The following UMOD variants were observed in gnomAD, a reference collection of about 807,000 sequenced individuals.
UMOD encodes Tamm-Horsfall urinary glycoprotein.
UMOD carries 64 observed loss-of-function variants against 66.0 expected under a neutral mutation model. The observed-to-expected ratio is 0.97, with a 90% CI of 0.79 to 1.19. UMOD has a LOEUF of 1.19. Among genes scored for constraint, UMOD ranks in the 50% most tolerant of loss-of-function variants. UMOD has a pLI of 0.00. For missense variants in UMOD, 764 were observed against 850.9 expected (o/e 0.90, Z 1.27); for synonymous variants, 398 against 352.7 (o/e 1.13, Z -1.44).
chr16:20,335,708 C>G (rs575142078), intron 9 of UMOD, among the ~76,000 whole-genome samples, 188 bp from the exon 10 acceptor site: 3 of 152,276 alleles, frequency 2.0e-5, no homozygotes, highest in African/African-American at 7.2e-5. Context: ...GAGAAAGGTC[C>G]CAACCCTTAG....
intron 7 of UMOD, among the ~76,000 whole-genome samples, chr16:20,339,727 T>C (rs892264513): frequency 6.6e-6 from 1 of 152,242 alleles, no homozygotes; most frequent in Non-Finnish European, 1.5e-5. Context: ...CTCTTTGTCA[T>C]TAACATACTA....
intron 2 of UMOD, 108 bp downstream of exon 2, chr16:20,350,542 G>C: frequency 7.4e-7 from 1 of 1,347,276 alleles, no homozygotes; most frequent in South Asian, 1.2e-5. Context: ...TCTCAAGTGC[G>C]ATAGGAGGAT....
At chr16:20,343,777 A>G (rs1050531431) in intron 6 of UMOD, among the ~76,000 whole-genome samples, 1 of 152,214 alleles carries the variant, frequency 6.6e-6, no homozygotes, top group African/African-American at 2.4e-5. Flanking sequence ...CTAGTAAGTG[A>G]CAGAGCTGGG....
chr16:20,346,302 C>T lies in UMOD; in HGVS notation c.1006G>A (p.Gly336Arg). The part of the protein sequence containing the change: ...ISLLEHRLEC[G>R]ANDMKVSLGK... Reference sequence around the variant, plus strand: ...AGCGACACCTTCATGTCATTGGCCCCACATTCCAGCCTGTGCTCCAGGAGG... The same window carrying T: ...AGCGACACCTTCATGTCATTGGCCCTACATTCCAGCCTGTGCTCCAGGAGG... Residue 336 changes from glycine to arginine, a missense_variant, in exon 5 of 11, where the codon GGG (glycine) becomes AGG (arginine). Gly to Arg is a moderately radical substitution (Grantham distance 125). Transcript: ENST00000396138. 1.9e-6 allele frequency: 3 copies of T among 1,614,256 alleles called. No homozygotes were observed. Among genetic ancestry groups the T allele is most frequent in the Non-Finnish European group, 2.5e-6 (3 of 1,180,042 alleles).
chr16:20,345,691 C>T (rs978828117), intron 5 of UMOD, among the ~76,000 whole-genome samples: 7 of 151,712 alleles, frequency 4.6e-5, no homozygotes, highest in African/African-American at 1.7e-4. Flanking sequence ...TTGAGGAGGC[C>T]TCTGTAGGTG....
At chr16:20,353,393 C>T (rs542350418), upstream of UMOD, among the ~76,000 whole-genome samples, 2 of 152,312 alleles carry the variant, frequency 1.3e-5, no homozygotes, top group African/African-American at 4.8e-5. Flanking sequence ...CCTCCTTTAT[C>T]TGGTGTTTAT....
chr16:20,334,338 A>T (rs541940093), intron 10 of UMOD, among the ~76,000 whole-genome samples: 5 of 152,272 alleles, frequency 3.3e-5, no homozygotes, highest in African/African-American at 9.6e-5. Flanking sequence ...GGTGTTAGAG[A>T]GGAGCCTTGG....
chr16:20,345,294 G>A (rs866896347), intron 5 of UMOD, among the ~76,000 whole-genome samples: 131 of 152,224 alleles, frequency 8.6e-4, no homozygotes, highest in Non-Finnish European at 1.3e-3. Context: ...GATTACAGGC[G>A]TGAGCCACCA....
rs1228762295 is a variant in UMOD at position 20,346,147 on chromosome 16, G to T, written c.1161C>A (p.Gly387=). 1.2e-6 allele frequency: 2 copies of T among 1,614,018 alleles called. No homozygotes were observed. The highest frequency in any genetic ancestry group is 2.2e-5 in the South Asian group (2 of 91,078). ...GTACCGTCAACACTGTCCCACAGGGGCCATCCCGGGCTGGGGTCACTACAG... is the reference window on the plus strand; with the variant it reads ...GTACCGTCAACACTGTCCCACAGGGTCCATCCCGGGCTGGGGTCACTACAG... ...WVSVVTPARD[G]PCGTVLTRNE... The change falls in exon 5 of 11, where the codon GGC becomes GGA. Residue 387 remains glycine, a synonymous_variant. Coordinates refer to ENST00000396138, the MANE Select transcript of UMOD (RefSeq NM_003361.4).
Position 20,341,416 on chromosome 16 carries a change from A to G in UMOD, c.1332-80T>C. 3 of 1,598,388 alleles carry G rather than the reference A, an allele frequency of 1.9e-6. No individual in the cohort carries two copies. In the Admixed American group the frequency reaches 5.0e-5, roughly 27 times the overall value. ...GCCACCTTCTCTGATTTGCATTCCTAGGCAGTCCCTTGCAGTTATTTGCAT... is the reference window on the plus strand; with the variant it reads ...GCCACCTTCTCTGATTTGCATTCCTGGGCAGTCCCTTGCAGTTATTTGCAT... On this transcript the variant is annotated intron_variant, in intron 6 of 10. Transcript: ENST00000396138.
chr16:20,350,891 A>T, intron 1 of UMOD, 52 bp from the exon 2 acceptor site: 1 of 1,488,216 alleles, frequency 6.7e-7, no homozygotes, highest in Non-Finnish European at 9.0e-7. Context: ...TCCTCCCCAC[A>T]GCTGGAAGGA....
At chr16:20,335,157 A>T (rs1169421278) in intron 10 of UMOD, among the ~76,000 whole-genome samples, 1 of 152,102 alleles carries the variant, frequency 6.6e-6, no homozygotes, top group Non-Finnish European at 1.5e-5. Context: ...ATCTAGAAAA[A>T]AGTGTTAGAG....
chr16:20,338,037 C>T (rs1353050263), intron 7 of UMOD, among the ~76,000 whole-genome samples: 2 of 152,174 alleles, frequency 1.3e-5, no homozygotes, highest in Non-Finnish European at 2.9e-5. Context: ...ACTGGGCACC[C>T]CCTCTGCCAT....
At chr16:20,345,667 C>T (rs1965540821) in intron 5 of UMOD, among the ~76,000 whole-genome samples, 1 of 151,538 alleles carries the variant, frequency 6.6e-6, no homozygotes, top group Non-Finnish European at 1.5e-5. Flanking sequence ...CAAACATTTA[C>T]CTCTGGGTTT....
chr16:20,355,713 T>C (rs1966017104), upstream of UMOD, among the ~76,000 whole-genome samples: 2 of 152,156 alleles, frequency 1.3e-5, no homozygotes, highest in South Asian at 4.1e-4. Context: ...AACACTTTTC[T>C]CTCTTAACTT....
chr16:20,348,636 C>A lies in UMOD; in HGVS notation c.665G>T (p.Arg222Leu). The A allele has an allele frequency of 6.3e-7, 1 of 1,576,796 alleles. No individual in the cohort carries two copies. Among genetic ancestry groups the A allele is most frequent in the Non-Finnish European group, 8.6e-7 (1 of 1,165,940 alleles). Residue 222 changes from arginine to leucine, a missense_variant, in exon 3 of 11, where the codon CGC (arginine) becomes CTC (leucine). Physicochemically the swap from Arg to Leu is moderately radical, Grantham distance 102. Coordinates refer to ENST00000396138, the MANE Select transcript of UMOD (RefSeq NM_003361.4). ...CCACATGGGGGCGGCCGTGTTGCAGCGCAGGACTGGCACGCAGGTCTCGGC... is the reference window on the plus strand; with the variant it reads ...CCACATGGGGGCGGCCGTGTTGCAGAGCAGGACTGGCACGCAGGTCTCGGC... ...RMAETCVPVLRCNTAAPMWLN... is the reference protein window; with the variant it reads ...RMAETCVPVLLCNTAAPMWLN...
At chr16:20,349,848 G>A in intron 2 of UMOD, 1 of 1,548,654 alleles carries the variant, frequency 6.5e-7, no homozygotes, top group South Asian at 1.2e-5. Context: ...ACTCCACCTG[G>A]CTGGGCAGTT....
chr16:20,348,116 C>T (rs1356927348), intron 4 of UMOD, 107 bp downstream of exon 4: 1 of 987,150 alleles, frequency 1.0e-6, no homozygotes, highest in Non-Finnish European at 1.6e-6. Context: ...GGATATATAT[C>T]CCCTGCGTCA....
Position 20,344,149 on chromosome 16 carries a change from G to C in UMOD, c.1206C>G (p.Tyr402Ter). Residue 402 changes from tyrosine (Y) to a stop codon, truncating the protein, a stop_gained, in exon 6 of 11, where the codon TAC becomes TAG. Transcript: ENST00000396138. LOFTEE classifies it high-confidence loss of function. ...VLTRNETHATYSNTLYLADEI... is the reference protein window; with the variant it reads ...VLTRNETHAT The stretch of plus-strand genomic sequence containing the variant: ...CATCTGCCAGGTAGAGGGTGTTGCT[G>C]TAAGTGGCATGGGTTTCATTCCTCT... 1 of 1,375,924 alleles carries C rather than the reference G, an allele frequency of 7.3e-7. No individual in the cohort carries two copies. Among genetic ancestry groups the C allele is most frequent in the Non-Finnish European group, 9.9e-7 (1 of 1,011,342 alleles). The allele number at this position is 1,375,924 out of a possible 1,614,324, so 85.2% of individuals were successfully genotyped here.
Sources: gnomAD v4.1 joint callset for allele counts (sites outside exome capture counted in the v4.1 genomes callset) on GRCh38, gnomAD v4.1.1 for gene constraint, MANE v1.5 for transcripts, NCBI Gene and HGNC (gene_info 2026-07-23, HGNC 2026-07-21) for gene names.